Variants in SEC31B observed in about 807,000 individuals in gnomAD.
SEC31B encodes the protein SEC31 homolog B, COPII component.
Under a neutral mutation model 135.0 loss-of-function variants are expected in SEC31B, and 113 were observed. That is an observed-to-expected ratio of 0.84 (90% confidence interval 0.72 to 0.98). The LOEUF is 0.98. SEC31B is among the 50% of genes least tolerant of loss of function. The pLI, the probability that SEC31B is intolerant of heterozygous loss-of-function variation, is 0.00. For missense variants in SEC31B, 1,296 were observed against 1,421.1 expected (o/e 0.91, Z 1.42); for synonymous variants, 508 against 549.4 (o/e 0.92, Z 1.05).
chr10:100,512,501 T>A (rs1851754515), intron 3 of SEC31B, among the ~76,000 whole-genome samples: 1 of 152,244 alleles, frequency 6.6e-6, no homozygotes, highest in Admixed American at 6.5e-5. Context: ...CTCTCTTCAG[T>A]CTATTTATAG....
intron 25 of SEC31B, 108 bp downstream of exon 25, chr10:100,487,919 G>A: frequency 6.6e-7 from 1 of 1,508,132 alleles, no homozygotes; most frequent in Admixed American, 1.8e-5. Flanking sequence ...TATTTTGTGG[G>A]GAACCCAGGT....
At chr10:100,509,571 T>C in intron 3 of SEC31B, 60 bp from the exon 4 acceptor site, 1 of 1,360,806 alleles carries the variant, frequency 7.3e-7, no homozygotes, top group Non-Finnish European at 1.0e-6. Context: ...AAGCACAGGA[T>C]GGGCATCTCT....
chr10:100,508,613 C>A (rs185780122), intron 5 of SEC31B: 286 of 425,268 alleles, frequency 6.7e-4, no homozygotes, highest in African/African-American at 1.7e-3. Context: ...GCTGACCCCC[C>A]CCTCCATAAA....
intron 19 of SEC31B, among the ~76,000 whole-genome samples, chr10:100,492,318 G>A (rs996032286): frequency 6.6e-6 from 1 of 152,138 alleles, no homozygotes; most frequent in East Asian, 1.9e-4. Context: ...TCCACCTCCC[G>A]GGTTCAAGCG....
Position 100,506,199 on chromosome 10 carries a change from C to A in SEC31B, c.885G>T (p.Val295=). The stretch of plus-strand genomic sequence containing the variant: ...TGCTCTGTGTTGGTAGCTTATATAC[C>A]ACCTAATATGAGGGAACACACCATT... The part of the protein sequence containing the change: ...ILCRNLGSSE[V]VYKLPTQSSW... Residue 295 remains valine (V), a splice_region_variant and synonymous_variant, in exon 9 of 26, where the codon GTG becomes GTT. Transcript: ENST00000370345. The A allele has an allele frequency of 6.2e-7, 1 of 1,614,168 alleles. No individual in the cohort carries two copies. Among genetic ancestry groups the A allele is most frequent in the Non-Finnish European group, 8.5e-7 (1 of 1,180,034 alleles).
intron 22 of SEC31B, 60 bp downstream of exon 22, chr10:100,489,643 G>T: frequency 6.2e-7 from 1 of 1,611,042 alleles, no homozygotes; most frequent in Non-Finnish European, 8.5e-7. Context: ...ATCCTCCAAG[G>T]AATTAGAACG....
chr10:100,513,060 T>C (rs1240632106), intron 3 of SEC31B, among the ~76,000 whole-genome samples: 1 of 152,176 alleles, frequency 6.6e-6, no homozygotes, highest in East Asian at 1.9e-4. Flanking sequence ...TCTAGGTCAA[T>C]AGTTTATGAT....
chr10:100,500,497 G>A (rs1851501111), intron 11 of SEC31B, among the ~76,000 whole-genome samples: 1 of 151,948 alleles, frequency 6.6e-6, no homozygotes, highest in South Asian at 2.1e-4. Flanking sequence ...TGTATTTTTA[G>A]TAGAGACAGG....
intron 20 of SEC31B, 76 bp from the exon 21 acceptor site, chr10:100,490,398 C>G: frequency 1.4e-6 from 2 of 1,395,752 alleles, no homozygotes; most frequent in Non-Finnish European, 1.9e-6. Flanking sequence ...CAGGGAGAAA[C>G]AGGATTGCAA....
rs1554840765 is a variant in SEC31B at position 100,489,289 on chromosome 10, T to C, written c.3134A>G (p.His1045Arg). The part of the protein sequence containing the change: ...PSQPPVSSVS[H>R]APPGVPGELS... ...TTCTCCTGGAACTCCTGGGGGAGCA[T>C]GACTCACACTGGAGACAGGGGGCTG... The change falls in exon 23 of 26, where the codon CAT becomes CGT. Residue 1045 changes from histidine to arginine, a missense_variant. Physicochemically the swap from His to Arg is conservative, Grantham distance 29. Transcript: ENST00000370345. 40 of 1,612,454 alleles carry C rather than the reference T, an allele frequency of 2.5e-5. No individual in the cohort carries two copies. In the South Asian group the frequency reaches 4.3e-4, roughly 17 times the overall value.
At chr10:100,517,957 C>A (rs1016181177) in intron 1 of SEC31B, among the ~76,000 whole-genome samples, 5 of 152,136 alleles carry the variant, frequency 3.3e-5, no homozygotes, top group South Asian at 2.1e-4. Context: ...TCTCTATTTT[C>A]GCTGCCAACA....
At chr10:100,511,476 A>T (rs1851735932) in intron 3 of SEC31B, among the ~76,000 whole-genome samples, 1 of 152,220 alleles carries the variant, frequency 6.6e-6, no homozygotes, top group Admixed American at 6.5e-5. Context: ...TGAAAAACAA[A>T]AAGGGTGGTC....
intron 10 of SEC31B, among the ~76,000 whole-genome samples, chr10:100,503,448 T>A (rs1191496302): frequency 6.6e-6 from 1 of 152,022 alleles, no homozygotes; most frequent in East Asian, 1.9e-4. Context: ...TTTTTTTTTT[T>A]TTGAGATGGA....
chr10:100,518,699 G>A (rs564752760), intron 1 of SEC31B, among the ~76,000 whole-genome samples: 2 of 152,234 alleles, frequency 1.3e-5, no homozygotes, highest in African/African-American at 2.4e-5. Context: ...CACTGAACTT[G>A]AGGAGAAAGC....
intron 10 of SEC31B, among the ~76,000 whole-genome samples, chr10:100,503,187 C>A (rs1453286379): frequency 6.6e-6 from 1 of 152,208 alleles, no homozygotes; most frequent in Non-Finnish European, 1.5e-5. Flanking sequence ...AACACCCCCA[C>A]CTGGAGTATC....
chr10:100,495,153 C>A, intron 19 of SEC31B: 1 of 495,542 alleles, frequency 2.0e-6, no homozygotes, highest in South Asian at 2.1e-5. Context: ...ACATATCTAT[C>A]TTTCGACTAC....
intron 10 of SEC31B, among the ~76,000 whole-genome samples, chr10:100,504,485 T>C (rs564482301): frequency 2.0e-5 from 3 of 152,176 alleles, no homozygotes; most frequent in Admixed American, 2.0e-4. Context: ...TCCAACTCAA[T>C]GAACCAGTTT....
chr10:100,487,822 G>T (rs377460419), intron 25 of SEC31B, 27 bp from the exon 26 acceptor site: 2 of 1,612,722 alleles, frequency 1.2e-6, no homozygotes, highest in Non-Finnish European at 1.7e-6. Context: ...CCTTAGGTTA[G>T]TGAGCCCAAC....
intron 19 of SEC31B, among the ~76,000 whole-genome samples, chr10:100,491,662 T>C (rs1373127534): frequency 1.3e-5 from 2 of 152,200 alleles, no homozygotes; most frequent in Non-Finnish European, 2.9e-5. Context: ...ACAGAAATGA[T>C]GCAGAAAAAA....
Sources: gnomAD v4.1 joint callset for allele counts (sites outside exome capture counted in the v4.1 genomes callset) on GRCh38, gnomAD v4.1.1 for gene constraint, MANE v1.5 for transcripts, NCBI Gene and HGNC (gene_info 2026-07-23, HGNC 2026-07-21) for gene names.